CDYL: variants seen among roughly 807,000 people sequenced by gnomAD.
CDYL encodes the protein chromodomain Y-like protein.
A neutral mutation model predicts 47.3 loss-of-function variants in CDYL; 8 were observed. The observed-to-expected ratio is 0.17, with a 90% CI of 0.10 to 0.31. CDYL has a LOEUF of 0.31. Ranked by LOEUF, CDYL falls within the 10% of genes least tolerant of loss-of-function variation. The probability of loss-of-function intolerance (pLI) is 1.00; values close to 1 mark genes in which losing one functional copy is unlikely to be tolerated. For synonymous variants in CDYL, 266 were observed against 265.0 expected (o/e 1.00, Z -0.04); for missense variants, 471 against 701.4 (o/e 0.67, Z 3.71).
intron 3 of CDYL, among the ~76,000 whole-genome samples, chr6:4,759,923 A>AAAAAAAAAAAAAAAAAAAAAAG (rs1758146434): frequency 8.5e-6 from 1 of 118,100 alleles, no homozygotes; most frequent in Non-Finnish European, 1.7e-5. Context: ...AAAAAAAAAA[A>AAAAAAAAAAAAAAAAAAAAAAG]AAGAAGAAGA....
chr6:4,726,467 C>T (rs529318622), intron 2 of CDYL, among the ~76,000 whole-genome samples: 1 of 147,918 alleles, frequency 6.8e-6, no homozygotes, highest in Non-Finnish European at 1.5e-5. Flanking sequence ...GGGAGGCAGA[C>T]GTTGCAGTAA....
chr6:4,797,826 C>T (rs1051248267), intron 1 of CDYL, among the ~76,000 whole-genome samples: 9 of 152,142 alleles, frequency 5.9e-5, no homozygotes, highest in African/African-American at 2.2e-4. Context: ...TTTATCCATT[C>T]GTCACTTGGT....
chr6:4,776,877 G>T (rs1205829174), intron 1 of CDYL, 70 bp downstream of exon 1: 30 of 732,548 alleles, frequency 4.1e-5, no homozygotes, highest in South Asian at 5.9e-5. Flanking sequence ...CGCGCCGCCC[G>T]ACGGCCCCGC....
intron 1 of CDYL, among the ~76,000 whole-genome samples, chr6:4,843,408 A>G (rs1392163367): frequency 2.0e-5 from 3 of 151,770 alleles, no homozygotes; most frequent in Admixed American, 2.0e-4. Context: ...TATTCCCTCA[A>G]TATGTTTTTC....
intron 2 of CDYL, among the ~76,000 whole-genome samples, chr6:4,907,391 G>A (rs182655085): frequency 2.0e-4 from 31 of 152,240 alleles, no homozygotes; most frequent in African/African-American, 5.1e-4. Context: ...GTCCGGCTCC[G>A]TCTCATCCAG....
At chr6:4,830,385 A>G (rs1326116891) in intron 1 of CDYL, among the ~76,000 whole-genome samples, 1 of 152,148 alleles carries the variant, frequency 6.6e-6, no homozygotes, top group East Asian at 1.9e-4. Flanking sequence ...CTTGGCTGGC[A>G]TTGATAGTTT....
intron 2 of CDYL, among the ~76,000 whole-genome samples, chr6:4,721,232 T>A (rs1462456548): frequency 6.6e-6 from 1 of 152,174 alleles, no homozygotes; most frequent in Non-Finnish European, 1.5e-5. Context: ...CAACCTTATT[T>A]TTCACTATGC....
intron 1 of CDYL, among the ~76,000 whole-genome samples, chr6:4,812,838 A>G (rs912680813): frequency 6.6e-6 from 1 of 152,108 alleles, no homozygotes; most frequent in South Asian, 2.1e-4. Flanking sequence ...ATTTCTCCCA[A>G]TTTACTTGTC....
At chr6:4,836,514 G>T (rs1199148203) in intron 1 of CDYL, among the ~76,000 whole-genome samples, 2 of 152,100 alleles carry the variant, frequency 1.3e-5, no homozygotes, top group African/African-American at 4.8e-5. Context: ...TCGAGAGCAT[G>T]GCTCTCACCA....
chr6:4,841,140 C>T (rs556690963), intron 1 of CDYL, among the ~76,000 whole-genome samples: 4 of 152,076 alleles, frequency 2.6e-5, no homozygotes, highest in African/African-American at 7.2e-5. Flanking sequence ...TTAGTCTAGG[C>T]GGGTTGTATA....
At chr6:4,844,619 G>C (rs191281812) in intron 1 of CDYL, among the ~76,000 whole-genome samples, 1 of 152,280 alleles carries the variant, frequency 6.6e-6, no homozygotes, top group African/African-American at 2.4e-5. Flanking sequence ...ACATGGGTTT[G>C]TTTCTGAGAT....
chr6:4,906,435 C>T (rs1321399895), intron 2 of CDYL, among the ~76,000 whole-genome samples: 1 of 152,204 alleles, frequency 6.6e-6, no homozygotes, highest in Non-Finnish European at 1.5e-5. Flanking sequence ...GCTTCTGACC[C>T]TTCTCTGGGA....
At chr6:4,858,292 A>G (rs769672830) in intron 1 of CDYL, among the ~76,000 whole-genome samples, 1 of 152,256 alleles carries the variant, frequency 6.6e-6, no homozygotes, top group African/African-American at 2.4e-5. Flanking sequence ...TCTAAGACTC[A>G]GTACTAAACC....
intron 1 of CDYL, among the ~76,000 whole-genome samples, chr6:4,794,356 C>T (rs1041729531): frequency 2.6e-5 from 4 of 151,992 alleles, no homozygotes; most frequent in African/African-American, 9.7e-5. Context: ...GATTTGGCAG[C>T]GCGGAGGCCA....
chr6:4,926,593 A>G (rs1757880702), intron 2 of CDYL, among the ~76,000 whole-genome samples: 1 of 152,160 alleles, frequency 6.6e-6, no homozygotes, highest in Non-Finnish European at 1.5e-5. Context: ...TATCCCAGAC[A>G]TTTTTGTCTG....
chr6:4,823,575 C>T (rs1581190908), intron 1 of CDYL, among the ~76,000 whole-genome samples: 1 of 152,064 alleles, frequency 6.6e-6, no homozygotes, highest in African/African-American at 2.4e-5. Context: ...CTTTTAAATT[C>T]CCCCAAACAG....
intron 1 of CDYL, among the ~76,000 whole-genome samples, chr6:4,872,462 A>G (rs913044317): frequency 2.0e-5 from 3 of 151,506 alleles, no homozygotes; most frequent in African/African-American, 7.3e-5. Context: ...GCTCACTGCA[A>G]CCTCCGCCTC....
At chr6:4,868,381 G>T in intron 1 of CDYL, among the ~76,000 whole-genome samples, 1 of 151,144 alleles carries the variant, frequency 6.6e-6, no homozygotes, top group Non-Finnish European at 1.5e-5. Context: ...TTAGAAGTGT[G>T]TTTTTTTAAT....
intron 3 of CDYL, among the ~76,000 whole-genome samples, chr6:4,768,833 A>G (rs564654488): frequency 6.6e-6 from 1 of 152,202 alleles, no homozygotes; most frequent in African/African-American, 2.4e-5. Context: ...GGTCAACATC[A>G]GCAGTGAAGT....
Sources: gnomAD v4.1 joint callset for allele counts (sites outside exome capture counted in the v4.1 genomes callset) on GRCh38, gnomAD v4.1.1 for gene constraint, MANE v1.5 for transcripts, NCBI Gene and HGNC (gene_info 2026-07-23, HGNC 2026-07-21) for gene names.